Variants in MAPK10 observed in about 807,000 individuals in gnomAD.
The protein encoded by MAPK10 is mitogen-activated protein kinase 10, also known as JNK3 alpha protein kinase.
In MAPK10, 25 loss-of-function variants were observed where a neutral mutation model predicts 59.3. That is an observed-to-expected ratio of 0.42 (90% CI 0.31 to 0.59). The LOEUF is 0.59. MAPK10 is among the 20% of genes least tolerant of loss of function. MAPK10 has a pLI of 0.15. For missense variants in MAPK10, 351 were observed against 568.9 expected, an observed-to-expected ratio of 0.62 and a Z score of 3.90; for synonymous variants, 190 against 200.5, an observed-to-expected ratio of 0.95 and a Z score of 0.44.
intron 11 of MAPK10, among the ~76,000 whole-genome samples, chr4:86,043,408 C>G (rs1184948046): frequency 6.6e-6 from 1 of 151,990 alleles, no homozygotes; most frequent in South Asian, 2.1e-4. Context: ...GACTTGGCAC[C>G]TAAGAGGCCA....
chr4:86,545,051 A>G (rs1480687008), intron 1 of MAPK10, among the ~76,000 whole-genome samples: 1 of 152,174 alleles, frequency 6.6e-6, no homozygotes, highest in Non-Finnish European at 1.5e-5. Flanking sequence ...GTTTTTTCCT[A>G]CTACAAAATA....
chr4:86,424,578 A>T (rs1747025417), intron 1 of MAPK10, among the ~76,000 whole-genome samples: 1 of 152,144 alleles, frequency 6.6e-6, no homozygotes, highest in South Asian at 2.1e-4. Context: ...TGAAGGAGTC[A>T]TAGTTAGGCT....
intron 1 of MAPK10, among the ~76,000 whole-genome samples, chr4:86,467,798 G>A (rs1752337189): frequency 6.6e-6 from 1 of 152,166 alleles, no homozygotes. Context: ...AATGGCAGGC[G>A]TGAGCCACGG....
chr4:86,231,982 T>A (rs1563367361), intron 2 of MAPK10, among the ~76,000 whole-genome samples: 1 of 152,168 alleles, frequency 6.6e-6, no homozygotes, highest in Non-Finnish European at 1.5e-5. Context: ...CATAGATGGG[T>A]TCAGTTTAAC....
intron 9 of MAPK10, chr4:86,079,739 C>T (rs1334831769): frequency 6.6e-6 from 1 of 152,160 alleles, no homozygotes. Context: ...GGACACTGTA[C>T]TCTGTTCTGT....
chr4:86,235,057 AAATT>A (rs1278663614), intron 2 of MAPK10, among the ~76,000 whole-genome samples: 1 of 152,134 alleles, frequency 6.6e-6, no homozygotes, highest in Non-Finnish European at 1.5e-5. Context: ...TGTATAATTT[AAATT>A]AATAATATAG....
chr4:86,421,668 A>G (rs140247079), intron 1 of MAPK10, among the ~76,000 whole-genome samples: 5 of 152,336 alleles, frequency 3.3e-5, no homozygotes, highest in African/African-American at 9.6e-5. Context: ...AGTGCGGTGC[A>G]GTAAGGAAGA....
chr4:86,395,533 T>C (rs565840103), intron 1 of MAPK10, among the ~76,000 whole-genome samples: 2 of 152,248 alleles, frequency 1.3e-5, no homozygotes, highest in South Asian at 4.1e-4. Context: ...AATCACCAGG[T>C]ATTGATAGTT....
chr4:86,029,230 T>G lies in MAPK10; in HGVS notation c.1219A>C (p.Asn407His), dbSNP rs763212852. The part of the protein sequence containing the change: ...EVMNSEEKTK[N>H]GVVKGQPSPS... ...GAAGGCTGTCCTTTTACTACACCAT[T>G]TTTAGTCTTTTCTTCTGAATTCATT... The change falls in exon 13 of 14, where the codon AAT (asparagine) becomes CAT (histidine). Residue 407 changes from asparagine to histidine, a missense_variant. This residue lies in a region of MAPK10 where 155 missense variants were observed against 204.2 expected (regional missense o/e 0.76). Transcript: ENST00000641462. The G allele has an allele frequency of 6.2e-7, 1 of 1,611,368 alleles. No individual in the cohort carries two copies. The highest frequency in any genetic ancestry group is 8.5e-7 in the Non-Finnish European group (1 of 1,177,900).
chr4:86,214,110 A>G (rs945913568), intron 2 of MAPK10, among the ~76,000 whole-genome samples: 6 of 152,092 alleles, frequency 3.9e-5, no homozygotes, highest in Non-Finnish European at 7.4e-5. Flanking sequence ...TATCTCATTA[A>G]TGGAATGAAG....
intron 11 of MAPK10, among the ~76,000 whole-genome samples, chr4:86,047,601 A>C (rs2042745298): frequency 6.6e-6 from 1 of 152,178 alleles, no homozygotes; most frequent in South Asian, 2.1e-4. Context: ...AATGAGATAG[A>C]AAATATCAGT....
At chr4:86,432,699 G>C (rs2149041968) in intron 1 of MAPK10, among the ~76,000 whole-genome samples, 1 of 152,316 alleles carries the variant, frequency 6.6e-6, no homozygotes, top group South Asian at 2.1e-4. Flanking sequence ...GATAGGACTT[G>C]TTACAGAACT....
At chr4:86,189,780 A>C (rs929609542) in intron 3 of MAPK10, among the ~76,000 whole-genome samples, 1 of 151,952 alleles carries the variant, frequency 6.6e-6, no homozygotes, top group African/African-American at 2.4e-5. Flanking sequence ...AACTTCCAAT[A>C]CTCTGTTGAA....
intron 2 of MAPK10, among the ~76,000 whole-genome samples, chr4:86,319,649 C>G (rs1204307046): frequency 6.6e-6 from 1 of 152,290 alleles, no homozygotes; most frequent in Non-Finnish European, 1.5e-5. Flanking sequence ...GGCACCATAC[C>G]TTTCTTCTTT....
intron 1 of MAPK10, among the ~76,000 whole-genome samples, chr4:86,519,802 C>T (rs937665213): frequency 6.6e-6 from 1 of 152,056 alleles, no homozygotes; most frequent in African/African-American, 2.4e-5. Context: ...TCTTGTAGTA[C>T]TGGCTTGATA....
rs116596640 is a variant in MAPK10 at position 86,063,401 on chromosome 4, A to C, written c.1110+865T>G. 1.5e-3 allele frequency among the ~76,000 whole-genome samples: 224 copies of C among 152,306 alleles called. 1 individual carries two copies. Among genetic ancestry groups the C allele is most frequent in the Non-Finnish European group, 2.6e-3 (177 of 68,024 alleles). On this transcript the variant is annotated intron_variant, in intron 11 of 13. Coordinates refer to ENST00000641462, the MANE Select transcript of MAPK10 (RefSeq NM_138982.4). ...CAAATGGATTGGAAGGTATTATGTA[A>C]AAAAATATGAGATGCTTTAGCACAG... is the stretch of plus-strand genomic sequence containing the variant.
At chr4:86,424,293 G>A (rs991308505) in intron 1 of MAPK10, among the ~76,000 whole-genome samples, 2 of 152,046 alleles carry the variant, frequency 1.3e-5, no homozygotes, top group Admixed American at 1.3e-4. Flanking sequence ...AGGTTCAAGC[G>A]ATTCTCCTGT....
At chr4:86,312,682 T>C (rs924356794) in intron 2 of MAPK10, among the ~76,000 whole-genome samples, 1 of 152,076 alleles carries the variant, frequency 6.6e-6, no homozygotes, top group Non-Finnish European at 1.5e-5. Flanking sequence ...CCCAAATTCA[T>C]GTTACAGTGG....
intron 11 of MAPK10, among the ~76,000 whole-genome samples, chr4:86,036,399 G>T (rs1291190840): frequency 6.6e-6 from 1 of 150,912 alleles, no homozygotes; most frequent in Non-Finnish European, 1.5e-5. Context: ...AATGATCTCA[G>T]ATCTACTCTC....
Sources: gnomAD v4.1 joint callset for allele counts (sites outside exome capture counted in the v4.1 genomes callset) on GRCh38, gnomAD v4.1.1 for gene constraint, gnomAD v4.1.1 regional missense constraint, MANE v1.5 for transcripts, NCBI Gene and HGNC (gene_info 2026-07-23, HGNC 2026-07-21) for gene names.